The following SLC5A5 variants were observed in gnomAD, a reference collection of about 807,000 sequenced individuals.
SLC5A5 encodes solute carrier family 5 member 5.
Under a neutral mutation model 68.6 loss-of-function variants are expected in SLC5A5, and 56 were observed. The ratio of observed to expected loss-of-function variants is 0.82; its 90% CI spans 0.66 to 1.02. The LOEUF is 1.02. Among genes scored for constraint, SLC5A5 ranks in the 50% least tolerant of loss-of-function variants. The pLI is 0.00. For synonymous variants in SLC5A5, 398 were observed against 373.0 expected, an observed-to-expected ratio of 1.07 and a Z score of -0.77; for missense variants, 807 against 859.8, an observed-to-expected ratio of 0.94 and a Z score of 0.77.
At chr19:17,893,673 A>G (rs1568427824) in intron 14 of SLC5A5, 40 bp from the exon 15 acceptor site, 1 of 1,603,854 alleles carries the variant, frequency 6.2e-7, no homozygotes, top group Admixed American at 1.7e-5. Context: ...GGGTGGGGAC[A>G]GGGTCTCTGA....
Position 17,891,868 on chromosome 19 carries a change from G to T in SLC5A5, c.1767+867G>T, listed in dbSNP as rs141726254. 3.2e-3 allele frequency among the ~76,000 whole-genome samples: 491 copies of T among 152,292 alleles called. 3 individuals carry two copies. The highest frequency in any genetic ancestry group is 0.011 in the African/African-American group (471 of 41,558). ...TTCTCTCATTTATTGAGCACCTGCT[G>T]TGTACCCAGTCCTGCTCTGGGCTAT... On this transcript the variant is annotated intron_variant, in intron 14 of 14. Coordinates refer to ENST00000222248, the MANE Select transcript of SLC5A5 (RefSeq NM_000453.3).
intron 5 of SLC5A5, among the ~76,000 whole-genome samples, chr19:17,877,314 A>AT (rs1309999354): frequency 0.025 from 3,614 of 146,708 alleles, 124 homozygotes; most frequent in African/African-American, 0.076. Context: ...AATTTAATTA[A>AT]TTTTTTTTTT....
At chr19:17,888,577 C>A in intron 13 of SLC5A5, 122 bp downstream of exon 13, 1 of 698,532 alleles carries the variant, frequency 1.4e-6, no homozygotes, top group South Asian at 1.6e-5. Flanking sequence ...GTGTGCTGTA[C>A]ACATTTGTAC....
intron 4 of SLC5A5, 48 bp downstream of exon 4, chr19:17,874,779 T>G: frequency 6.4e-7 from 1 of 1,574,030 alleles, no homozygotes; most frequent in Non-Finnish European, 8.7e-7. Flanking sequence ...GGGCCCACTG[T>G]GTCTCTTGTG....
At chr19:17,881,825 C>G (rs1186192563) in intron 8 of SLC5A5, 135 bp from the exon 9 acceptor site, 1 of 720,926 alleles carries the variant, frequency 1.4e-6, no homozygotes, top group Non-Finnish European at 2.5e-6. Context: ...AGGGGAGGGG[C>G]AAATATCTCC....
At position 17,894,072 on chromosome 19, in the gene SLC5A5, C is replaced by T. The variant is rs1312147702; in HGVS notation, c.*195C>T. On this transcript the variant is annotated 3_prime_UTR_variant, in exon 15 of 15. Transcript: ENST00000222248. ...ATTTTTTAAATCCAGCCCCTTGCTT[C>T]AACCGTCCCCAGTATTAGACGCTGC... 21 of 593,002 alleles carry T rather than the reference C, an allele frequency of 3.5e-5. No homozygotes were observed. The highest frequency in any genetic ancestry group is 5.4e-5 in the Non-Finnish European group (18 of 333,536). 36.7% of individuals were successfully genotyped at this position (593,002 alleles called of 1,614,324 possible).
chr19:17,874,489 T>C lies in SLC5A5; in HGVS notation c.424-5T>C. 1 of 1,613,912 alleles carries C rather than the reference T, an allele frequency of 6.2e-7. No homozygotes were observed. Among genetic ancestry groups the C allele is most frequent in the East Asian group, 2.2e-5 (1 of 44,870 alleles). ...CTGCTCACCCGCCCCACACTCTGTC[T>C]ACAGATGCTGTACACCGGCATCGTA... On this transcript the variant is annotated splice_polypyrimidine_tract_variant and splice_region_variant and intron_variant, in intron 2 of 14. Coordinates refer to ENST00000222248, the MANE Select transcript of SLC5A5 (RefSeq NM_000453.3).
Position 17,872,237 on chromosome 19 carries a change from C to G in SLC5A5, c.-83C>G. 1 of 575,366 alleles carries G rather than the reference C, an allele frequency of 1.7e-6. No individual in the cohort carries two copies. The highest frequency in any genetic ancestry group is 4.9e-4 in the Middle Eastern group (1 of 2,028). The allele number at this position is 575,366 out of a possible 1,614,324, so 35.6% of individuals were successfully genotyped here. A position where few individuals can be genotyped will look rare whatever the true frequency, so the allele number is the denominator to read the frequency against. On this transcript the variant is annotated 5_prime_UTR_variant, in exon 1 of 15. Coordinates refer to ENST00000222248, the MANE Select transcript of SLC5A5 (RefSeq NM_000453.3). ...GCATCCTCCCACCCGCCCTCCCCGTCCTGCCTCCTCGGCCCCTGCCAGCTT... is the reference window on the plus strand; with the variant it reads ...GCATCCTCCCACCCGCCCTCCCCGTGCTGCCTCCTCGGCCCCTGCCAGCTT...
intron 14 of SLC5A5, among the ~76,000 whole-genome samples, chr19:17,892,630 A>C (rs2030217222): frequency 2.0e-5 from 3 of 149,500 alleles, no homozygotes; most frequent in Admixed American, 6.8e-5. Flanking sequence ...ACAGCCAGAC[A>C]CTGTCAGAAA....
chr19:17,894,143 CTTT>C lies in SLC5A5; in HGVS notation c.*286_*288del, dbSNP rs772763011. ...AATAAGGCTGGGTTTTTCTCTCTCT[CTTT>C]TTTTTTTTTTTTTTTTTTTGAGACA... is the stretch of plus-strand genomic sequence containing the variant. On this transcript the variant is annotated 3_prime_UTR_variant, in exon 15 of 15. Coordinates refer to ENST00000222248, the MANE Select transcript of SLC5A5 (RefSeq NM_000453.3). 0.023 allele frequency: 5,878 copies of C among 256,132 alleles called. No homozygotes were observed. Among genetic ancestry groups the C allele is most frequent in the South Asian group, 0.046 (1,234 of 26,714 alleles). The allele number at this position is 256,132 out of a possible 1,614,324, so 15.9% of individuals were successfully genotyped here. A position where few individuals can be genotyped will look rare whatever the true frequency, so the allele number is the denominator to read the frequency against.
At position 17,882,046 on chromosome 19, in the gene SLC5A5, A is replaced by C. The variant is rs2094321769; in HGVS notation, c.1145A>C (p.Lys382Thr). Residue 382 changes from lysine to threonine, a missense_variant, in exon 9 of 15, where the codon AAA becomes ACA. Physicochemically the swap from Lys to Thr is moderately conservative, Grantham distance 78. Coordinates refer to ENST00000222248, the MANE Select transcript of SLC5A5 (RefSeq NM_000453.3). ...KPRLRSLAPR[K>T]LVIISKGLSL... ...CGGCTGCGGAGCCTGGCACCCAGGA[A>C]ACTCGTGATTATCTCCAAGGGGCTC... 2 of 1,614,082 alleles carry C rather than the reference A, an allele frequency of 1.2e-6. No individual in the cohort carries two copies. The highest frequency in any genetic ancestry group is 1.7e-6 in the Non-Finnish European group (2 of 1,179,942).
At chr19:17,873,829 C>T (rs1205487259) in intron 1 of SLC5A5, among the ~76,000 whole-genome samples, 7 of 152,238 alleles carry the variant, frequency 4.6e-5, no homozygotes, top group Non-Finnish European at 8.8e-5. Flanking sequence ...ACTGTCTACA[C>T]TGTGCGCTTG....
At position 17,888,436 on chromosome 19, in the gene SLC5A5, C is replaced by G. The variant is rs45531732; in HGVS notation, c.1632C>G (p.Ala544=). Reference sequence around the variant, plus strand: ...CGCTGACCACTGTGCTGTGCGGAGCCCTCATCAGCTGCCTGACAGGTAGGT... The same window carrying G: ...CGCTGACCACTGTGCTGTGCGGAGCGCTCATCAGCTGCCTGACAGGTAGGT... ...LGTLTTVLCG[A]LISCLTGPTK... is the part of the protein sequence containing the mutation. Residue 544 remains alanine (A), a synonymous_variant, in exon 13 of 15, where the codon GCC becomes GCG. Coordinates refer to ENST00000222248, the MANE Select transcript of SLC5A5 (RefSeq NM_000453.3). 8,990 of 1,613,776 alleles carry G rather than the reference C, an allele frequency of 5.6e-3. 32 individuals carry two copies. Among genetic ancestry groups the G allele is most frequent in the Non-Finnish European group, 6.6e-3 (7,773 of 1,179,964 alleles).
intron 10 of SLC5A5, among the ~76,000 whole-genome samples, chr19:17,883,387 CT>C: frequency 6.6e-6 from 1 of 151,670 alleles, no homozygotes; most frequent in East Asian, 1.9e-4. Context: ...GCACTCCAAC[CT>C]GGACAGCAAA....
intron 13 of SLC5A5, among the ~76,000 whole-genome samples, chr19:17,888,924 A>G (rs986607750): frequency 6.0e-5 from 9 of 150,950 alleles, no homozygotes; most frequent in Non-Finnish European, 8.8e-5. Flanking sequence ...CCTGGGCTGT[A>G]CCTATTTTTT....
intron 12 of SLC5A5, among the ~76,000 whole-genome samples, chr19:17,887,561 C>T (rs1187033136): frequency 6.6e-6 from 1 of 151,126 alleles, no homozygotes; most frequent in East Asian, 1.9e-4. Flanking sequence ...GCTAGGATTA[C>T]AGGCATGAGC....
Position 17,883,529 on chromosome 19 carries a change from G to A in SLC5A5, c.1243-152G>A, listed in dbSNP as rs1018466497. On this transcript the variant is annotated intron_variant, in intron 10 of 14. Coordinates refer to ENST00000222248, the MANE Select transcript of SLC5A5 (RefSeq NM_000453.3). ...GGGAGATAGGCAGGAACAAGGGGGG[G>A]GGGTCCTCTCCCCTTTAGGGAAACT... 1.2e-5 allele frequency: 9 copies of A among 725,898 alleles called. No individual in the cohort carries two copies. The Middle Eastern group carries it at 1.1e-3, about 90-fold the overall frequency. 45.0% of individuals were successfully genotyped at this position (725,898 alleles called of 1,614,324 possible). A position where few individuals can be genotyped will look rare whatever the true frequency, so the allele number is the denominator to read the frequency against.
In SLC5A5 at chr19:17,885,570, G is replaced by A. The variant is rs186300418; in HGVS notation, c.1526+1524G>A. On this transcript the variant is annotated intron_variant, in intron 12 of 14. Coordinates refer to ENST00000222248, the MANE Select transcript of SLC5A5 (RefSeq NM_000453.3). ...AATTTTTTGTATTTTTTATAGAGAC[G>A]AGTTTTTGCCATGTTGCCCAGGCTG... Among the ~76,000 whole-genome samples the A allele has an allele frequency of 4.9e-4, 73 of 148,448 alleles. 1 individual carries two copies. Among genetic ancestry groups the A allele is most frequent in the Middle Eastern group, 3.9e-3 (1 of 258 alleles).
chr19:17,884,104 G>A, intron 12 of SLC5A5, 58 bp downstream of exon 12: 1 of 1,394,098 alleles, frequency 7.2e-7, no homozygotes, highest in East Asian at 2.5e-5. Context: ...ATCTTGAAGG[G>A]AAACTTACTT....
Sources: allele counts gnomAD v4.1 joint callset (sites outside exome capture counted in the v4.1 genomes callset), GRCh38; gene constraint gnomAD v4.1.1; transcripts MANE v1.5; gene names NCBI Gene and HGNC (gene_info 2026-07-23, HGNC 2026-07-21).